Variants in MBNL1 observed in about 807,000 individuals in gnomAD.
MBNL1 encodes muscleblind like splicing regulator 1, also known as muscleblind-like protein 1.
In MBNL1, 8 loss-of-function variants were observed where a neutral mutation model predicts 42.2. That is an observed-to-expected ratio of 0.19 (90% CI 0.11 to 0.34). MBNL1 has a LOEUF of 0.34. Among genes scored for constraint, MBNL1 ranks in the 10% least tolerant of loss-of-function variants. The pLI is 1.00. For missense variants in MBNL1, 309 were observed against 495.3 expected, an observed-to-expected ratio of 0.62 and a Z score of 3.57; for synonymous variants, 169 against 173.9, an observed-to-expected ratio of 0.97 and a Z score of 0.22.
chr3:152,402,745 G>A (rs1220071177), intron 2 of MBNL1, among the ~76,000 whole-genome samples: 1 of 152,206 alleles, frequency 6.6e-6, no homozygotes, highest in African/African-American at 2.4e-5. Flanking sequence ...GCTATAGTAT[G>A]TCAGTTTATG....
At chr3:152,266,757 TGA>T (rs376258292), upstream of MBNL1, 27 of 152,354 alleles carry the variant, frequency 1.8e-4, no homozygotes, top group African/African-American at 6.0e-4. Flanking sequence ...GCCAGGGATT[TGA>T]GAGTCTCCCA....
intron 2 of MBNL1, among the ~76,000 whole-genome samples, chr3:152,394,820 CAATA>C (rs1488051634): frequency 6.6e-6 from 1 of 152,166 alleles, no homozygotes; most frequent in African/African-American, 2.4e-5. Context: ...AGAGCATAAA[CAATA>C]AATAGTAATT....
chr3:152,253,143 C>G (rs1256155137), intron 2 of MBNL1, among the ~76,000 whole-genome samples: 1 of 152,104 alleles, frequency 6.6e-6, no homozygotes, highest in Non-Finnish European at 1.5e-5. Flanking sequence ...GCTATACACT[C>G]AGATGTTAAG....
chr3:152,458,990 G>T, intron 8 of MBNL1: 1 of 241,296 alleles, frequency 4.1e-6, no homozygotes, highest in Non-Finnish European at 8.0e-6. Flanking sequence ...AACAAAAAGG[G>T]CTTCTTTCAA....
In MBNL1 at chr3:152,462,784, A is replaced by C. The variant is rs1055292045; in HGVS notation, c.*418A>C. On this transcript the variant is annotated 3_prime_UTR_variant, in exon 10 of 10. Coordinates refer to ENST00000324210, the MANE Select transcript of MBNL1 (RefSeq NM_021038.5). ...TAGACCAAGATATAATTTTTTAAAA[A>C]TAAGTTTATTTCTTTCAAGGTTTAC... is the stretch of plus-strand genomic sequence containing the variant. 2.6e-5 allele frequency: 4 copies of C among 152,196 alleles called. No individual in the cohort carries two copies. The highest frequency in any genetic ancestry group is 6.5e-5 in the Admixed American group (1 of 15,282). The allele number at this position is 152,196 out of a possible 1,614,324, so 9.4% of individuals were successfully genotyped here.
rs770696564 is a variant in MBNL1 at position 152,300,278 on chromosome 3, C to A, written c.85C>A (p.Arg29=). ...AGAGTTCCAGAGGGGGACTTGCTCA[C>A]GGCCAGACACGGAATGTAAATTTGC... is the stretch of plus-strand genomic sequence containing the variant. The part of the protein sequence containing the change: ...CREFQRGTCS[R]PDTECKFAHP... The change falls in exon 2 of 10, where the codon CGG becomes AGG. Residue 29 remains arginine (R), a synonymous_variant. Coordinates refer to ENST00000324210, the MANE Select transcript of MBNL1 (RefSeq NM_021038.5). The A allele has an allele frequency of 5.0e-6, 8 of 1,613,694 alleles. No individual in the cohort carries two copies. Among genetic ancestry groups the A allele is most frequent in the Non-Finnish European group, 6.8e-6 (8 of 1,179,768 alleles).
chr3:152,376,944 G>C (rs1049889775), intron 2 of MBNL1, among the ~76,000 whole-genome samples: 5 of 151,734 alleles, frequency 3.3e-5, no homozygotes, highest in African/African-American at 1.2e-4. Flanking sequence ...TTTCCCTTTT[G>C]TTCCCTTTTC....
chr3:152,440,586 A>G (rs547260814), intron 4 of MBNL1, among the ~76,000 whole-genome samples: 1 of 152,188 alleles, frequency 6.6e-6, no homozygotes, highest in African/African-American at 2.4e-5. Context: ...GGAATTCAAG[A>G]TGAGGTTTGG....
chr3:152,283,100 A>C (rs2049437647), intron 1 of MBNL1, among the ~76,000 whole-genome samples: 1 of 152,188 alleles, frequency 6.6e-6, no homozygotes, highest in South Asian at 2.1e-4. Flanking sequence ...GCCAGGCAGG[A>C]AGATAGGTTG....
chr3:152,379,904 A>G (rs1373987803), intron 2 of MBNL1, among the ~76,000 whole-genome samples: 1 of 152,114 alleles, frequency 6.6e-6, no homozygotes, highest in Non-Finnish European at 1.5e-5. Context: ...TAGGATGTTT[A>G]TACTATAAGG....
chr3:152,337,264 A>G (rs1035311641), intron 2 of MBNL1, among the ~76,000 whole-genome samples: 3 of 152,182 alleles, frequency 2.0e-5, no homozygotes, highest in Admixed American at 1.3e-4. Context: ...GAAAAGCATA[A>G]CATGAAGCAG....
intron 2 of MBNL1, chr3:152,302,372 A>G (rs750105531): frequency 4.6e-5 from 7 of 152,162 alleles, no homozygotes; most frequent in Non-Finnish European, 1.0e-4. Flanking sequence ...ACATGAATTT[A>G]TTTATGATGG....
intron 3 of MBNL1, among the ~76,000 whole-genome samples, chr3:152,423,653 T>A (rs1287711012): frequency 6.6e-6 from 1 of 152,094 alleles, no homozygotes; most frequent in Non-Finnish European, 1.5e-5. Context: ...CAGGCCAATA[T>A]CCCTGGTGAA....
intron 2 of MBNL1, among the ~76,000 whole-genome samples, chr3:152,373,917 A>G (rs1326855883): frequency 6.6e-6 from 1 of 152,210 alleles, no homozygotes; most frequent in Non-Finnish European, 1.5e-5. Flanking sequence ...AGTGTAATAT[A>G]CCATAATTCA....
chr3:152,382,671 C>T (rs1206564186), intron 2 of MBNL1, among the ~76,000 whole-genome samples: 1 of 152,048 alleles, frequency 6.6e-6, no homozygotes, highest in African/African-American at 2.4e-5. Flanking sequence ...TATTTGTCCT[C>T]AGTGGCAGAA....
intron 2 of MBNL1, among the ~76,000 whole-genome samples, chr3:152,368,808 CTCTG>C (rs151165616): frequency 2.0e-3 from 301 of 151,828 alleles, no homozygotes; most frequent in African/African-American, 6.2e-3. Flanking sequence ...TGATTTGGTT[CTCTG>C]TCTATTATTG....
rs1027425018 is a variant in MBNL1 at position 152,465,111 on chromosome 3, C to T, written c.*2745C>T. ...GGCCAAATCTGCCTGAAGATCATTA[C>T]CAAAAATAGCAGGTACTTCTACCAT... On this transcript the variant is annotated 3_prime_UTR_variant, in exon 10 of 10. Coordinates refer to ENST00000324210, the MANE Select transcript of MBNL1 (RefSeq NM_021038.5). The T allele has an allele frequency of 6.6e-6, 1 of 152,318 alleles. No homozygotes were observed. The highest frequency in any genetic ancestry group is 1.5e-5 in the Non-Finnish European group (1 of 68,008). The allele number at this position is 152,318 out of a possible 1,614,324, so 9.4% of individuals were successfully genotyped here.
At chr3:152,457,374 T>A (rs1368024422) in intron 8 of MBNL1, among the ~76,000 whole-genome samples, 1 of 152,124 alleles carries the variant, frequency 6.6e-6, no homozygotes, top group Non-Finnish European at 1.5e-5. Flanking sequence ...CAGATGAAAA[T>A]GAACATGTTC....
chr3:152,247,956 CATT>C (rs2033533676), intron 2 of MBNL1, among the ~76,000 whole-genome samples: 1 of 151,624 alleles, frequency 6.6e-6, no homozygotes, highest in African/African-American at 2.4e-5. Flanking sequence ...TTTCATACCT[CATT>C]ATTATTCTAC....
Sources: gnomAD v4.1 joint callset for allele counts (sites outside exome capture counted in the v4.1 genomes callset) on GRCh38, gnomAD v4.1.1 for gene constraint, MANE v1.5 for transcripts, NCBI Gene and HGNC (gene_info 2026-07-23, HGNC 2026-07-21) for gene names.